Variants in NME7 observed in about 807,000 individuals in gnomAD.
The protein encoded by NME7 is NME/NM23 family member 7, also known as nucleoside diphosphate kinase 7.
A neutral mutation model predicts 49.1 loss-of-function variants in NME7; 41 were observed. The observed-to-expected ratio is 0.83, with a 90% confidence interval of 0.65 to 1.08. NME7 has a LOEUF of 1.08. NME7 is among the 50% of genes least tolerant of loss of function. The pLI is 0.00. For missense variants in NME7, 423 were observed against 463.4 expected (o/e 0.91, Z 0.80); for synonymous variants, 139 against 150.6 (o/e 0.92, Z 0.56).
intron 10 of NME7, among the ~76,000 whole-genome samples, chr1:169,183,633 C>T (rs1264538241): frequency 6.6e-6 from 1 of 152,058 alleles, no homozygotes; most frequent in Non-Finnish European, 1.5e-5. Context: ...AACCCCATCT[C>T]TACTGAAAAT....
At chr1:169,229,590 G>A (rs774799000) in intron 10 of NME7, among the ~76,000 whole-genome samples, 3 of 152,110 alleles carry the variant, frequency 2.0e-5, no homozygotes, top group Non-Finnish European at 4.4e-5. Context: ...CTCCCCTACT[G>A]GGCTTAATCT....
At chr1:169,284,135 T>C (rs1650163390) in intron 7 of NME7, 1 of 152,114 alleles carries the variant, frequency 6.6e-6, no homozygotes, top group African/African-American at 2.4e-5. Flanking sequence ...CTTGGAGGCT[T>C]TGTTCATTTC....
intron 11 of NME7, among the ~76,000 whole-genome samples, chr1:169,160,536 G>A (rs1197625328): frequency 3.3e-5 from 5 of 151,890 alleles, no homozygotes; most frequent in Non-Finnish European, 5.9e-5. Flanking sequence ...ATACTCCAAG[G>A]GGTCTGGGAA....
intron 7 of NME7, among the ~76,000 whole-genome samples, chr1:169,276,098 A>G (rs1649712592): frequency 7.5e-6 from 1 of 134,210 alleles, no homozygotes; most frequent in Non-Finnish European, 1.8e-5. Context: ...CCAGTATTTT[A>G]TTGAGGATTT....
chr1:169,344,474 A>G (rs1652887746), intron 1 of NME7, among the ~76,000 whole-genome samples: 1 of 152,204 alleles, frequency 6.6e-6, no homozygotes, highest in South Asian at 2.1e-4. Flanking sequence ...TCAGGAAGAA[A>G]GCATTCACAC....
At chr1:169,132,938 A>AAGTT (rs1006823025) in intron 11 of NME7, 121 bp from the exon 12 acceptor site, 39 of 633,848 alleles carry the variant, frequency 6.2e-5, no homozygotes, top group Middle Eastern at 2.6e-4. Context: ...AAGACACTAA[A>AAGTT]AGTTAATCAA....
intron 10 of NME7, among the ~76,000 whole-genome samples, chr1:169,224,619 A>C (rs985775482): frequency 6.6e-6 from 1 of 152,190 alleles, no homozygotes; most frequent in Non-Finnish European, 1.5e-5. Flanking sequence ...AGGCAAATTC[A>C]AAAGTCTGGG....
chr1:169,167,274 T>C (rs1221389249), intron 11 of NME7, among the ~76,000 whole-genome samples: 1 of 152,150 alleles, frequency 6.6e-6, no homozygotes, highest in Non-Finnish European at 1.5e-5. Context: ...TCCAGGTGGA[T>C]TGAACATTTC....
At chr1:169,323,064 A>G in intron 3 of NME7, 53 bp downstream of exon 3, 1 of 1,412,314 alleles carries the variant, frequency 7.1e-7, no homozygotes, top group East Asian at 2.6e-5. Context: ...ATTCAGATTG[A>G]CTTTGAACCC....
In NME7 at chr1:169,175,301, T is replaced by C. The variant is rs540069644; in HGVS notation, c.991-5747A>G. Among the ~76,000 whole-genome samples, 20 of 152,218 alleles carry C rather than the reference T, an allele frequency of 1.3e-4. No homozygotes were observed. The South Asian group carries it at 3.5e-3, about 27-fold the overall frequency. On this transcript the variant is annotated intron_variant, in intron 10 of 11. Coordinates refer to ENST00000367811, the MANE Select transcript of NME7 (RefSeq NM_013330.5). ...AGAGCTGTCATCTCCTCTGATAAAA[T>C]GCCTTGTTCTGGAATACCTCCTGAA...
At chr1:169,145,926 T>C (rs7540607) in intron 11 of NME7, among the ~76,000 whole-genome samples, 5,376 of 152,250 alleles carry the variant, frequency 0.035, 286 homozygotes, top group African/African-American at 0.12. Flanking sequence ...AGTGGAGAGA[T>C]ACAGCATTTC....
At chr1:169,157,919 A>G (rs1265139227) in intron 11 of NME7, among the ~76,000 whole-genome samples, 1 of 152,082 alleles carries the variant, frequency 6.6e-6, no homozygotes, top group Non-Finnish European at 1.5e-5. Context: ...TTTTTGGTAA[A>G]TTTGTTTAAG....
At position 169,365,559 on chromosome 1, in the gene NME7, A is replaced by AT. The variant is rs569586265; in HGVS notation, c.3+2148dup. On this transcript the variant is annotated intron_variant, in intron 1 of 11. Transcript: ENST00000367811. ...AAGCAAGTAGCTAAAAGGCAAGAGA[A>AT]TTTTTTTTTTTTAAGTATGGAAAGG... 5.8e-3 allele frequency among the ~76,000 whole-genome samples: 865 copies of AT among 148,812 alleles called. 4 individuals carry two copies. The highest frequency in any genetic ancestry group is 0.016 in the African/African-American group (666 of 40,840).
intron 6 of NME7, among the ~76,000 whole-genome samples, chr1:169,288,174 C>G (rs1042184101): frequency 6.6e-6 from 1 of 152,142 alleles, no homozygotes; most frequent in Admixed American, 6.6e-5. Flanking sequence ...TGCCTCCTTC[C>G]GGCAACCTTT....
At chr1:169,139,892 T>C (rs745601716) in intron 11 of NME7, among the ~76,000 whole-genome samples, 3 of 152,232 alleles carry the variant, frequency 2.0e-5, no homozygotes, top group Non-Finnish European at 4.4e-5. Flanking sequence ...ATGTGATCCC[T>C]GACTGGATCC....
intron 11 of NME7, among the ~76,000 whole-genome samples, chr1:169,133,678 C>T (rs755526760): frequency 3.3e-5 from 5 of 152,172 alleles, no homozygotes; most frequent in Non-Finnish European, 7.4e-5. Context: ...TAGTTGAAGT[C>T]TTTAGGAGAC....
chr1:169,135,007 G>A (rs201045418), intron 11 of NME7, among the ~76,000 whole-genome samples: 11 of 35,734 alleles, frequency 3.1e-4, no homozygotes, highest in Admixed American at 2.3e-3. Flanking sequence ...AGATCCCCCC[G>A]TCTCTACAAA....
intron 1 of NME7, among the ~76,000 whole-genome samples, chr1:169,352,406 T>C (rs576267275): frequency 6.6e-6 from 1 of 152,050 alleles, no homozygotes; most frequent in Non-Finnish European, 1.5e-5. Context: ...ATCAAAAAAT[T>C]GGATATAGAA....
chr1:169,160,391 A>G (rs1659210349), intron 11 of NME7, among the ~76,000 whole-genome samples: 1 of 152,110 alleles, frequency 6.6e-6, no homozygotes, highest in Admixed American at 6.6e-5. Context: ...TACAACCCAT[A>G]AATATATATT....
Sources: gnomAD v4.1 joint callset for allele counts (sites outside exome capture counted in the v4.1 genomes callset) on GRCh38, gnomAD v4.1.1 for gene constraint, MANE v1.5 for transcripts, NCBI Gene and HGNC (gene_info 2026-07-23, HGNC 2026-07-21) for gene names.